CCDC12: variants seen among roughly 807,000 people sequenced by gnomAD.
The protein encoded by CCDC12 is coiled-coil domain containing 12.
In CCDC12, 28 loss-of-function variants were observed where a neutral mutation model predicts 25.7. That is an observed-to-expected ratio of 1.09 (90% CI 0.81 to 1.50). The LOEUF (loss-of-function observed/expected upper bound fraction) is 1.50. Ranked by LOEUF, CCDC12 falls within the 40% of genes most tolerant of loss-of-function variation. CCDC12 has a pLI of 0.00. For synonymous variants in CCDC12, 75 were observed against 87.7 expected (o/e 0.86, Z 0.81); for missense variants, 198 against 210.0 (o/e 0.94, Z 0.35).
At chr3:46,981,215 C>T (rs1011961393), upstream of CCDC12, among the ~76,000 whole-genome samples, 18 of 152,158 alleles carry the variant, frequency 1.2e-4, no homozygotes, top group African/African-American at 4.3e-4. Context: ...GAGGCCGAGG[C>T]GGGCAGATCA....
intron 2 of CCDC12, among the ~76,000 whole-genome samples, chr3:46,940,338 C>T (rs948374347): frequency 1.3e-5 from 2 of 152,204 alleles, no homozygotes; most frequent in Non-Finnish European, 2.9e-5. Context: ...CCAAGACCCT[C>T]ACGTGTGCTG....
At chr3:46,937,057 C>T (rs1327803083) in intron 2 of CCDC12, among the ~76,000 whole-genome samples, 2 of 152,208 alleles carry the variant, frequency 1.3e-5, no homozygotes, top group Non-Finnish European at 2.9e-5. Context: ...TCAGAGACAA[C>T]TTAGTCTTTC....
intron 1 of CCDC12, among the ~76,000 whole-genome samples, chr3:46,975,017 G>A (rs2034921428): frequency 6.6e-6 from 1 of 152,188 alleles, no homozygotes; most frequent in Non-Finnish European, 1.5e-5. Flanking sequence ...CACAGGTAGT[G>A]AACTTCAGAA....
At chr3:46,923,441 A>G in intron 4 of CCDC12, 78 bp from the exon 5 acceptor site, 1 of 1,543,666 alleles carries the variant, frequency 6.5e-7, no homozygotes, top group South Asian at 1.2e-5. Flanking sequence ...AGAAGGAGGG[A>G]AATGGGAGAA....
At chr3:46,929,665 A>G (rs1293034844) in intron 2 of CCDC12, among the ~76,000 whole-genome samples, 1 of 152,204 alleles carries the variant, frequency 6.6e-6, no homozygotes, top group Non-Finnish European at 1.5e-5. Flanking sequence ...GCTCTAGCTA[A>G]AAGAAAAGAA....
upstream of CCDC12, chr3:46,976,839 A>C: frequency 6.6e-7 from 1 of 1,509,738 alleles, no homozygotes. Context: ...AGAGACTGGG[A>C]GGTCCTGAAA....
Position 46,951,820 on chromosome 3 carries a change from TATAC to T in CCDC12, c.97-10759_97-10756del, listed in dbSNP as rs751259559. Reference sequence around the variant, plus strand: ...AAAAATATATATATATATATATATATATACTTAATGAGGATCAAATTAACAATGA... The same window carrying T: ...AAAAATATATATATATATATATATATTTAATGAGGATCAAATTAACAATGA... On this transcript the variant is annotated intron_variant, in intron 1 of 6. Coordinates refer to ENST00000683445, the MANE Select transcript of CCDC12 (RefSeq NM_001277074.2). 4.4e-4 allele frequency among the ~76,000 whole-genome samples: 34 copies of T among 77,058 alleles called. 2 individuals carry two copies. The highest frequency in any genetic ancestry group is 4.7e-4 in the Non-Finnish European group (19 of 40,446). 50.6% of individuals were successfully genotyped at this position (77,058 alleles called of 152,430 possible). A position where few individuals can be genotyped will look rare whatever the true frequency, so the allele number is the denominator to read the frequency against.
At chr3:46,955,890 T>G (rs1187499100) in intron 1 of CCDC12, among the ~76,000 whole-genome samples, 1 of 152,204 alleles carries the variant, frequency 6.6e-6, no homozygotes, top group African/African-American at 2.4e-5. Flanking sequence ...CTTGCTCATC[T>G]ACTCACACTT....
chr3:46,940,335 C>G (rs1380593911), intron 2 of CCDC12, among the ~76,000 whole-genome samples: 1 of 152,174 alleles, frequency 6.6e-6, no homozygotes, highest in Non-Finnish European at 1.5e-5. Flanking sequence ...TACCCAAGAC[C>G]CTCACGTGTG....
intron 2 of CCDC12, chr3:46,940,634 G>T (rs945768094): frequency 2.5e-5 from 6 of 243,342 alleles, no homozygotes; most frequent in Non-Finnish European, 4.0e-5. Context: ...GTTGGATGAG[G>T]CTAGATGGTC....
chr3:46,963,938 C>T (rs1179294213), intron 1 of CCDC12, among the ~76,000 whole-genome samples: 1 of 151,396 alleles, frequency 6.6e-6, no homozygotes, highest in African/African-American at 2.5e-5. Flanking sequence ...TGTGAGGAGC[C>T]CCTCTGCCTG....
At chr3:46,977,921 C>G (rs1459559868), upstream of CCDC12, among the ~76,000 whole-genome samples, 1 of 152,210 alleles carries the variant, frequency 6.6e-6, no homozygotes, top group African/African-American at 2.4e-5. Flanking sequence ...TCCTGATAAC[C>G]GCGAGACCAC....
intron 3 of CCDC12, 98 bp from the exon 4 acceptor site, chr3:46,923,766 AG>A: frequency 9.5e-7 from 1 of 1,056,292 alleles, no homozygotes; most frequent in Non-Finnish European, 1.3e-6. Context: ...ACGGGACCCC[AG>A]GCTTCCTTGC....
At chr3:46,945,415 T>G (rs2033865579) in intron 1 of CCDC12, among the ~76,000 whole-genome samples, 1 of 152,134 alleles carries the variant, frequency 6.6e-6, no homozygotes, top group Non-Finnish European at 1.5e-5. Flanking sequence ...TCTCCACACC[T>G]AGACCTTGCA....
rs745351220 is a variant in CCDC12 at position 46,950,496 on chromosome 3, T to TGGGG, written c.97-9435_97-9432dup. ...CCATGCACAGCTTTTTTTTTTTTTT[T>TGGGG]GGGGTAGAGACAGGGTCTAACTATA... On this transcript the variant is annotated intron_variant, in intron 1 of 6. Transcript: ENST00000683445. 4.3e-3 allele frequency among the ~76,000 whole-genome samples: 643 copies of TGGGG among 149,282 alleles called. 8 individuals carry two copies. Among genetic ancestry groups the TGGGG allele is most frequent in the South Asian group, 0.029 (138 of 4,752 alleles).
At chr3:46,932,987 T>C (rs1178944525) in intron 2 of CCDC12, among the ~76,000 whole-genome samples, 1 of 152,082 alleles carries the variant, frequency 6.6e-6, no homozygotes, top group Non-Finnish European at 1.5e-5. Context: ...GGCCTAGGGG[T>C]GGACCCCACA....
chr3:46,980,270 G>A (rs1284021150), upstream of CCDC12, among the ~76,000 whole-genome samples: 6 of 152,358 alleles, frequency 3.9e-5, no homozygotes, highest in East Asian at 9.7e-4. Flanking sequence ...GAGAGACCTG[G>A]AGACTGGCCA....
intron 1 of CCDC12, among the ~76,000 whole-genome samples, chr3:46,966,515 C>CA (rs377313304): frequency 1.7e-4 from 23 of 131,650 alleles, no homozygotes; most frequent in South Asian, 4.7e-4. Flanking sequence ...GACTCTGTCT[C>CA]AAAAAAAAAA....
At chr3:46,963,881 A>G (rs1327798343) in intron 1 of CCDC12, among the ~76,000 whole-genome samples, 6 of 152,162 alleles carry the variant, frequency 3.9e-5, no homozygotes, top group Non-Finnish European at 5.9e-5. Context: ...CCGCCACCCC[A>G]TCTGGGAAGT....
Sources: allele counts gnomAD v4.1 joint callset (sites outside exome capture counted in the v4.1 genomes callset), GRCh38; gene constraint gnomAD v4.1.1; transcripts MANE v1.5; gene names NCBI Gene and HGNC (gene_info 2026-07-23, HGNC 2026-07-21).